The following ITGAV variants were observed in gnomAD, a reference collection of about 807,000 sequenced individuals.
The protein encoded by ITGAV is integrin alpha-V.
Under a neutral mutation model 143.8 loss-of-function variants are expected in ITGAV, and 76 were observed. That is an observed-to-expected ratio of 0.53 (90% CI 0.44 to 0.64). ITGAV has a LOEUF of 0.64. Among genes scored for constraint, ITGAV ranks in the 30% least tolerant of loss-of-function variants. The probability of loss-of-function intolerance (pLI) is 0.00; values close to 1 mark genes in which losing one functional copy is unlikely to be tolerated. For missense variants in ITGAV, 1,193 were observed against 1,274.7 expected, an observed-to-expected ratio of 0.94 and a Z score of 0.98; for synonymous variants, 453 against 446.7, an observed-to-expected ratio of 1.01 and a Z score of -0.18.
At chr2:186,672,930 T>G (rs866986375) in intron 26 of ITGAV, among the ~76,000 whole-genome samples, 1 of 152,242 alleles carries the variant, frequency 6.6e-6, no homozygotes, top group Non-Finnish European at 1.5e-5. Flanking sequence ...TGAAGTTCAA[T>G]TTATCTATGT....
chr2:186,603,540 A>G (rs1686972071), intron 2 of ITGAV, among the ~76,000 whole-genome samples: 1 of 152,164 alleles, frequency 6.6e-6, no homozygotes, highest in Non-Finnish European at 1.5e-5. Context: ...GAAAACTCCA[A>G]GAGTTTGTAA....
At chr2:186,666,865 A>T in intron 22 of ITGAV, 82 bp downstream of exon 22, 21 of 656,910 alleles carry the variant, frequency 3.2e-5, no homozygotes, top group Non-Finnish European at 5.0e-5. Flanking sequence ...TACTTTAAAT[A>T]TAAAGTAGCA....
At chr2:186,641,790 C>T (rs1414008799) in intron 12 of ITGAV, 1 of 563,232 alleles carries the variant, frequency 1.8e-6, no homozygotes, top group East Asian at 2.9e-5. Flanking sequence ...ATAATGGACT[C>T]TCATGAGTTA....
rs146095832 is a variant in ITGAV at position 186,678,558 on chromosome 2, A to G, written c.*1266A>G. ...CAGTTCAAGTTACTGAAAACCTTTTAAACCTTTCTGAAGTTCGTTAGTATA... is the reference window on the plus strand; with the variant it reads ...CAGTTCAAGTTACTGAAAACCTTTTGAACCTTTCTGAAGTTCGTTAGTATA... On this transcript the variant is annotated 3_prime_UTR_variant, in exon 30 of 30. Coordinates refer to ENST00000261023, the MANE Select transcript of ITGAV (RefSeq NM_002210.5). The G allele has an allele frequency of 5.1e-4, 154 of 301,550 alleles. No homozygotes were observed. The highest frequency in any genetic ancestry group is 2.5e-3 in the African/African-American group (112 of 44,770). 18.7% of individuals were successfully genotyped at this position (301,550 alleles called of 1,614,324 possible).
intron 26 of ITGAV, among the ~76,000 whole-genome samples, chr2:186,671,076 T>C (rs1665758998): frequency 6.6e-6 from 1 of 152,160 alleles, no homozygotes; most frequent in African/African-American, 2.4e-5. Flanking sequence ...GTTTCATCAC[T>C]AACACAACCT....
chr2:186,617,388 T>C (rs1389256273), intron 2 of ITGAV, among the ~76,000 whole-genome samples: 1 of 152,206 alleles, frequency 6.6e-6, no homozygotes, highest in Non-Finnish European at 1.5e-5. Context: ...GGAAAAGAGT[T>C]GGCTGCTAAT....
rs574065659 is a variant in ITGAV, at chr2:186,666,893, T to C, written c.2246+110T>C. On this transcript the variant is annotated intron_variant, in intron 22 of 29. Coordinates refer to ENST00000261023, the MANE Select transcript of ITGAV (RefSeq NM_002210.5). ...AAGTAGCAGATTAAATTTTATTGCTTGACTATAGCATTTTAAAATCAATAT... is the reference window on the plus strand; with the variant it reads ...AAGTAGCAGATTAAATTTTATTGCTCGACTATAGCATTTTAAAATCAATAT... 9.0e-5 allele frequency: 51 copies of C among 565,124 alleles called. No homozygotes were observed. In the East Asian group the frequency reaches 1.4e-3, roughly 15 times the overall value. The allele number at this position is 565,124 out of a possible 1,614,324, so 35.0% of individuals were successfully genotyped here.
chr2:186,592,969 G>T (rs998482949), intron 1 of ITGAV, among the ~76,000 whole-genome samples: 5 of 152,136 alleles, frequency 3.3e-5, no homozygotes, highest in Admixed American at 3.3e-4. Context: ...GAATTTTCTA[G>T]AAGGGCACTT....
chr2:186,671,749 A>C (rs1689067657), intron 26 of ITGAV, among the ~76,000 whole-genome samples: 1 of 152,120 alleles, frequency 6.6e-6, no homozygotes, highest in Non-Finnish European at 1.5e-5. Flanking sequence ...CCCAAAAAGA[A>C]ATGCTGTACC....
chr2:186,625,786 T>A (rs1001961549), intron 4 of ITGAV, among the ~76,000 whole-genome samples, 199 bp downstream of exon 4: 4 of 152,152 alleles, frequency 2.6e-5, no homozygotes, highest in African/African-American at 9.7e-5. Context: ...GGTTTACTTT[T>A]TCTAAGAACT....
chr2:186,626,838 G>A (rs568078053), intron 4 of ITGAV, among the ~76,000 whole-genome samples: 2 of 152,298 alleles, frequency 1.3e-5, no homozygotes, highest in South Asian at 2.1e-4. Context: ...GATGCCATCT[G>A]TACTGCCATC....
intron 5 of ITGAV, 37 bp downstream of exon 5, chr2:186,630,895 T>G: frequency 8.8e-7 from 1 of 1,130,870 alleles, no homozygotes; most frequent in South Asian, 1.3e-5. Context: ...GATTCACATC[T>G]ACCTTATTGA....
chr2:186,668,188 A>ATATGTG (rs1553505655), intron 24 of ITGAV, among the ~76,000 whole-genome samples: 13 of 14,050 alleles, frequency 9.3e-4, no homozygotes, highest in Non-Finnish European at 1.5e-3. Flanking sequence ...ATACATACAT[A>ATATGTG]TATATATATA....
At chr2:186,631,142 T>G (rs1047321305) in intron 5 of ITGAV, among the ~76,000 whole-genome samples, 2 of 152,180 alleles carry the variant, frequency 1.3e-5, no homozygotes, top group African/African-American at 4.8e-5. Context: ...GACTTAATAT[T>G]AAAATTTCCA....
chr2:186,617,428 C>T (rs964929021), intron 2 of ITGAV, among the ~76,000 whole-genome samples: 2 of 152,260 alleles, frequency 1.3e-5, no homozygotes, highest in African/African-American at 2.4e-5. Context: ...TACGACAATC[C>T]GGTTTTCTCA....
rs1167005971 is a variant in ITGAV at position 186,590,402 on chromosome 2, G to A, written c.64G>A (p.Gly22Arg). The A allele has an allele frequency of 6.2e-7, 1 of 1,608,906 alleles. No homozygotes were observed. The highest frequency in any genetic ancestry group is 8.5e-7 in the Non-Finnish European group (1 of 1,178,108). Residue 22 changes from glycine (G) to arginine (R), a missense_variant, in exon 1 of 30, where the codon GGA (glycine) becomes AGA (arginine). Transcript: ENST00000261023. ...GPRGLPLLLSGLLLPLCRAFN... is the reference protein window; with the variant it reads ...GPRGLPLLLSRLLLPLCRAFN... Reference sequence around the variant, plus strand: ...CCGCGGCCTCCCGCTTCTTCTCTCGGGACTCCTGCTACCTCTGTGCCGCGC... The same window carrying A: ...CCGCGGCCTCCCGCTTCTTCTCTCGAGACTCCTGCTACCTCTGTGCCGCGC...
chr2:186,666,657 C>A (rs374150169), intron 21 of ITGAV, 47 bp from the exon 22 acceptor site: 4 of 1,089,394 alleles, frequency 3.7e-6, no homozygotes, highest in Non-Finnish European at 3.9e-6. Context: ...TGAAATTTTG[C>A]TAATTAGACA....
intron 23 of ITGAV, 113 bp downstream of exon 23, chr2:186,667,343 A>AC (rs778246390): frequency 4.1e-6 from 3 of 736,764 alleles, no homozygotes; most frequent in Non-Finnish European, 6.8e-6. Context: ...TGGTGGTTTT[A>AC]CTAGGGCATT....
At chr2:186,607,338 A>G (rs1235883792) in intron 2 of ITGAV, among the ~76,000 whole-genome samples, 1 of 152,170 alleles carries the variant, frequency 6.6e-6, no homozygotes, top group Non-Finnish European at 1.5e-5. Context: ...ACACTTTGTC[A>G]TTATTCACAT....
Sources: allele counts gnomAD v4.1 joint callset (sites outside exome capture counted in the v4.1 genomes callset), GRCh38; gene constraint gnomAD v4.1.1; transcripts MANE v1.5; gene names NCBI Gene and HGNC (gene_info 2026-07-23, HGNC 2026-07-21).